Variants in CD109 observed in about 807,000 individuals in gnomAD.
CD109 encodes the protein CD109 molecule.
CD109 carries 149 observed loss-of-function variants against 165.8 expected under a neutral mutation model. The ratio of observed to expected loss-of-function variants is 0.90; its 90% CI spans 0.79 to 1.03. The LOEUF (loss-of-function observed/expected upper bound fraction) is 1.03. CD109 is among the 50% of genes least tolerant of loss of function. The pLI, the probability that CD109 is intolerant of heterozygous loss-of-function variation, is 0.00. For missense variants in CD109, 1,712 were observed against 1,677.8 expected (o/e 1.02, Z -0.36); for synonymous variants, 585 against 592.1 (o/e 0.99, Z 0.18).
rs1214401421 is a variant in CD109 at position 73,696,242 on chromosome 6, C to T, written c.27C>T (p.Ala9=). 28 of 1,543,246 alleles carry T rather than the reference C, an allele frequency of 1.8e-5. No homozygotes were observed. Among genetic ancestry groups the T allele is most frequent in the African/African-American group, 2.8e-5 (2 of 72,568 alleles). MQGPPLLT[A]AHLLCVCTAA... is the part of the protein sequence containing the mutation. ...TGCAGGGCCCACCGCTCCTGACCGC[C>T]GCCCACCTCCTCTGCGTGTGCACCG... is the stretch of plus-strand genomic sequence containing the variant. The change falls in exon 1 of 33, where the codon GCC becomes GCT. Residue 9 remains alanine (A), a synonymous_variant. Coordinates refer to ENST00000287097, the MANE Select transcript of CD109 (RefSeq NM_133493.5).
chr6:73,679,313 G>A, the CD109 span, among the ~76,000 whole-genome samples: 1 of 152,018 alleles, frequency 6.6e-6, no homozygotes, highest in Non-Finnish European at 1.5e-5. Flanking sequence ...TCAGAACTGA[G>A]TCTAACAAAG....
intron 28 of CD109, among the ~76,000 whole-genome samples, chr6:73,811,449 A>G (rs1307031770): frequency 1.3e-5 from 2 of 152,126 alleles, no homozygotes; most frequent in East Asian, 1.9e-4. Context: ...TACGTATGCT[A>G]TTGCATTTAC....
At chr6:73,742,918 T>G (rs577292840) in intron 5 of CD109, among the ~76,000 whole-genome samples, 86 of 152,314 alleles carry the variant, frequency 5.6e-4, no homozygotes, top group African/African-American at 1.9e-3. Context: ...CTACTAGTTT[T>G]TTGAACCACA....
chr6:73,744,057 A>T (rs9442955), intron 5 of CD109, among the ~76,000 whole-genome samples: 1 of 151,996 alleles, frequency 6.6e-6, no homozygotes, highest in South Asian at 2.1e-4. Context: ...TAAGATATAT[A>T]TGTAAAATTT....
chr6:73,760,373 G>C (rs529338680), intron 7 of CD109, among the ~76,000 whole-genome samples: 3 of 123,382 alleles, frequency 2.4e-5, no homozygotes, highest in African/African-American at 6.3e-5. Flanking sequence ...TGCCACTGCA[G>C]TCCGGCCTGG....
chr6:73,684,580 T>G, the CD109 span, among the ~76,000 whole-genome samples: 2 of 152,148 alleles, frequency 1.3e-5, no homozygotes, highest in African/African-American at 4.8e-5. Context: ...ATCTCTTTGG[T>G]ATTGATTTGC....
intron 23 of CD109, among the ~76,000 whole-genome samples, chr6:73,801,172 C>G (rs1775347307): frequency 6.6e-6 from 1 of 152,160 alleles, no homozygotes; most frequent in Non-Finnish European, 1.5e-5. Context: ...GGCCTTGGAG[C>G]CAGTGAGAAG....
At chr6:73,773,188 TGTTA>T (rs1423666540) in intron 15 of CD109, among the ~76,000 whole-genome samples, 1 of 150,594 alleles carries the variant, frequency 6.6e-6, no homozygotes, top group Non-Finnish European at 1.5e-5. Context: ...TATATATGTG[TGTTA>T]TATATATATT....
At position 73,778,297 on chromosome 6, in the gene CD109, A is replaced by C. The variant is rs528292957; in HGVS notation, c.1828-2127A>C. ...ATCGGTTTAAGAAACTTTTGGGCTG[A>C]GACTATGGGGTTTTCTAGATATAGG... On this transcript the variant is annotated intron_variant, in intron 15 of 32. Coordinates refer to ENST00000287097, the MANE Select transcript of CD109 (RefSeq NM_133493.5). 7.3e-4 allele frequency among the ~76,000 whole-genome samples: 111 copies of C among 152,298 alleles called. 1 individual carries two copies. In the South Asian group the frequency reaches 0.012, roughly 17 times the overall value.
intron 19 of CD109, among the ~76,000 whole-genome samples, 169 bp from the exon 20 acceptor site, chr6:73,785,195 T>G (rs1247444615): frequency 1.3e-5 from 2 of 152,258 alleles, no homozygotes; most frequent in African/African-American, 4.8e-5. Context: ...CAAGTCAATT[T>G]GCCGTCATTC....
At chr6:73,764,466 A>G (rs1018991444) in intron 10 of CD109, among the ~76,000 whole-genome samples, 1 of 152,210 alleles carries the variant, frequency 6.6e-6, no homozygotes, top group Non-Finnish European at 1.5e-5. Context: ...TTGTTTACAA[A>G]CATACTGGAT....
chr6:73,782,871 G>C, intron 18 of CD109, 116 bp downstream of exon 18: 1 of 862,662 alleles, frequency 1.2e-6, no homozygotes. Flanking sequence ...GAACTAAGTA[G>C]ACCAAAAGGA....
intron 2 of CD109, among the ~76,000 whole-genome samples, chr6:73,701,535 A>G (rs1771078678): frequency 6.6e-6 from 1 of 152,164 alleles, no homozygotes; most frequent in Admixed American, 6.5e-5. Context: ...CAAATCAAGA[A>G]AAAAGAAATT....
chr6:73,710,341 A>G (rs1771478658), intron 2 of CD109, among the ~76,000 whole-genome samples: 2 of 152,180 alleles, frequency 1.3e-5, no homozygotes, highest in Admixed American at 1.3e-4. Context: ...TCCCATTCAC[A>G]ATTGCTTCAA....
Position 73,827,445 on chromosome 6 carries a change from T to C in CD109, c.*3812T>C. The C allele has an allele frequency of 6.6e-6, 1 of 152,158 alleles. No individual in the cohort carries two copies. Among genetic ancestry groups the C allele is most frequent in the Non-Finnish European group, 1.5e-5 (1 of 68,020 alleles). The allele number at this position is 152,158 out of a possible 1,614,324, so 9.4% of individuals were successfully genotyped here. A position where few individuals can be genotyped will look rare whatever the true frequency, so the allele number is the denominator to read the frequency against. On this transcript the variant is annotated 3_prime_UTR_variant, in exon 33 of 33. Transcript: ENST00000287097. The stretch of plus-strand genomic sequence containing the variant: ...GTAAGGCATAGCACTTTTAAGAAAT[T>C]AGAATTTTTCTATCATCTATGCAAA...
rs1773506710 is a variant in CD109 at position 73,758,950 on chromosome 6, CA to C, written c.684del (p.Lys228AsnfsTer4). On this transcript the variant is annotated frameshift_variant, in exon 7 of 33. Coordinates refer to ENST00000287097, the MANE Select transcript of CD109 (RefSeq NM_133493.5). LOFTEE classifies it high-confidence loss of function. ...CCTTGCTTTTCTTTTCCAGTATTAC[CA>C]AAATTTGAAGTGACTTTGCAGACAC... Reference protein sequence around the residue: ...QSFQVSEYVLPKFEVTLQTPL... With the variant: ...QSFQVSEYVLXKFEVTLQTPL... 1 of 1,586,358 alleles carries C rather than the reference CA, an allele frequency of 6.3e-7. No individual in the cohort carries two copies. The highest frequency in any genetic ancestry group is 1.3e-5 in the African/African-American group (1 of 74,260).
At chr6:73,763,115 T>C (rs901231356) in intron 9 of CD109, among the ~76,000 whole-genome samples, 3 of 152,204 alleles carry the variant, frequency 2.0e-5, no homozygotes, top group Admixed American at 2.0e-4. Context: ...TTAATTTTTT[T>C]TTCCATTTCT....
intron 2 of CD109, among the ~76,000 whole-genome samples, chr6:73,717,760 C>T (rs928295810): frequency 3.3e-5 from 5 of 151,648 alleles, no homozygotes; most frequent in Non-Finnish European, 7.4e-5. Context: ...GCTGGGACTA[C>T]AGGCGCCTGC....
At chr6:73,722,913 C>T (rs9442951) in intron 2 of CD109, among the ~76,000 whole-genome samples, 66,849 of 152,058 alleles carry the variant, frequency 0.44, 15,798 homozygotes, top group Non-Finnish European at 0.54. Context: ...TTCTGTACAG[C>T]GTGTGAAGTG....
Sources: gnomAD v4.1 joint callset for allele counts (sites outside exome capture counted in the v4.1 genomes callset) on GRCh38, gnomAD v4.1.1 for gene constraint, MANE v1.5 for transcripts, NCBI Gene and HGNC (gene_info 2026-07-23, HGNC 2026-07-21) for gene names.